KIAA1217: variants seen among roughly 807,000 people sequenced by gnomAD.
KIAA1217 encodes sickle tail protein homolog.
KIAA1217 carries 88 observed loss-of-function variants against 163.9 expected under a neutral mutation model. That is an observed-to-expected ratio of 0.54 (90% confidence interval 0.45 to 0.64). The LOEUF is 0.64. Ranked by LOEUF, KIAA1217 falls within the 30% of genes least tolerant of loss-of-function variation. The pLI is 0.00. For synonymous variants in KIAA1217, 903 were observed against 923.1 expected (o/e 0.98, Z 0.39); for missense variants, 2,372 against 2,475.0 (o/e 0.96, Z 0.88).
chr10:24,469,180 C>T (rs544629468), intron 5 of KIAA1217, among the ~76,000 whole-genome samples: 7 of 151,904 alleles, frequency 4.6e-5, no homozygotes, highest in Non-Finnish European at 1.0e-4. Flanking sequence ...GGTTGGAGTA[C>T]TGTGGTGTAT....
chr10:24,196,813 T>A (rs1308099374), intron 2 of KIAA1217, among the ~76,000 whole-genome samples: 2 of 152,192 alleles, frequency 1.3e-5, no homozygotes, highest in Non-Finnish European at 2.9e-5. Flanking sequence ...GAGGTGCAGA[T>A]GCTGCGCTGC....
intron 1 of KIAA1217, among the ~76,000 whole-genome samples, chr10:23,955,033 A>G (rs1360807103): frequency 6.6e-6 from 1 of 152,224 alleles, no homozygotes; most frequent in African/African-American, 2.4e-5. Context: ...ATGGGCAATA[A>G]TAACAAGTTA....
At chr10:24,220,656 G>A (rs1434269992) in intron 2 of KIAA1217, among the ~76,000 whole-genome samples, 5 of 149,934 alleles carry the variant, frequency 3.3e-5, no homozygotes, top group Non-Finnish European at 5.9e-5. Flanking sequence ...GTGTTTCATC[G>A]TGTTACCCAG....
chr10:23,840,582 T>C (rs893215687), intron 1 of KIAA1217, among the ~76,000 whole-genome samples: 7 of 152,220 alleles, frequency 4.6e-5, no homozygotes, highest in African/African-American at 1.7e-4. Context: ...TTATAGAATG[T>C]GGTTTAATGA....
At chr10:23,996,486 T>C (rs1846489679) in intron 1 of KIAA1217, among the ~76,000 whole-genome samples, 2 of 152,184 alleles carry the variant, frequency 1.3e-5, no homozygotes, top group Non-Finnish European at 2.9e-5. Flanking sequence ...TCTTTTTTAC[T>C]GTGTATCCAA....
At chr10:24,399,811 C>T (rs1412401681) in intron 3 of KIAA1217, among the ~76,000 whole-genome samples, 1 of 152,110 alleles carries the variant, frequency 6.6e-6, no homozygotes, top group African/African-American at 2.4e-5. Flanking sequence ...TAACTGTACC[C>T]CTTGTCACCA....
At chr10:23,821,470 G>T (rs1245042564) in intron 1 of KIAA1217, among the ~76,000 whole-genome samples, 1 of 152,108 alleles carries the variant, frequency 6.6e-6, no homozygotes, top group Non-Finnish European at 1.5e-5. Flanking sequence ...TCTAAGAGAG[G>T]CATGGAAGCA....
chr10:24,220,401 T>A (rs2069419904), intron 2 of KIAA1217, among the ~76,000 whole-genome samples: 1 of 151,696 alleles, frequency 6.6e-6, no homozygotes, highest in African/African-American at 2.4e-5. Context: ...TTGTGGTAAC[T>A]CCTTTTCCTT....
intron 6 of KIAA1217, among the ~76,000 whole-genome samples, chr10:24,476,538 T>A (rs1192554341): frequency 6.6e-6 from 1 of 152,098 alleles, no homozygotes; most frequent in Non-Finnish European, 1.5e-5. Context: ...ATTAACAATA[T>A]AAGAAAAACT....
intron 2 of KIAA1217, among the ~76,000 whole-genome samples, chr10:24,321,119 A>G (rs914259985): frequency 1.1e-4 from 17 of 152,112 alleles, no homozygotes; most frequent in African/African-American, 3.6e-4. Flanking sequence ...GGTTCCTCAG[A>G]AAAAAATAAA....
At chr10:23,941,458 G>A (rs1843763328) in intron 1 of KIAA1217, among the ~76,000 whole-genome samples, 1 of 152,148 alleles carries the variant, frequency 6.6e-6, no homozygotes, top group Non-Finnish European at 1.5e-5. Flanking sequence ...GGACCACATT[G>A]AATCGGACTA....
chr10:24,111,266 G>T (rs550255692), intron 2 of KIAA1217, among the ~76,000 whole-genome samples: 134 of 152,276 alleles, frequency 8.8e-4, no homozygotes, highest in Admixed American at 3.6e-3. Context: ...GGAATAAAAA[G>T]GGAATAAATA....
At chr10:23,696,880 A>G (rs1409413846) in intron 1 of KIAA1217, among the ~76,000 whole-genome samples, 1 of 152,240 alleles carries the variant, frequency 6.6e-6, no homozygotes, top group Non-Finnish European at 1.5e-5. Context: ...TAAATGAATA[A>G]ATGAATGCAT....
At chr10:24,447,506 G>T (rs932798841) in intron 5 of KIAA1217, among the ~76,000 whole-genome samples, 1 of 152,062 alleles carries the variant, frequency 6.6e-6, no homozygotes, top group Non-Finnish European at 1.5e-5. Flanking sequence ...CTGTCCACAC[G>T]TCTTAAGTGT....
chr10:23,957,346 G>A (rs561752178), intron 1 of KIAA1217, among the ~76,000 whole-genome samples: 1 of 152,236 alleles, frequency 6.6e-6, no homozygotes, highest in Non-Finnish European at 1.5e-5. Context: ...ACTTCTGCCT[G>A]CACAACTTTT....
intron 1 of KIAA1217, among the ~76,000 whole-genome samples, chr10:23,830,928 A>G (rs1035264130): frequency 2.0e-5 from 3 of 152,008 alleles, no homozygotes; most frequent in Admixed American, 1.3e-4. Context: ...TAAAGCTAGA[A>G]GTCTCTCCAA....
At chr10:24,028,668 C>T (rs1848065882) in intron 2 of KIAA1217, among the ~76,000 whole-genome samples, 1 of 152,094 alleles carries the variant, frequency 6.6e-6, no homozygotes, top group Non-Finnish European at 1.5e-5. Context: ...ATTGCTTAAG[C>T]TTGGCAATGG....
At chr10:24,328,975 TG>T (rs1237984290) in intron 2 of KIAA1217, among the ~76,000 whole-genome samples, 1 of 151,248 alleles carries the variant, frequency 6.6e-6, no homozygotes, top group Non-Finnish European at 1.5e-5. Context: ...TGTAGTATAT[TG>T]CATAGTATAA....
At chr10:23,819,841 C>T (rs1837536608) in intron 1 of KIAA1217, among the ~76,000 whole-genome samples, 1 of 152,130 alleles carries the variant, frequency 6.6e-6, no homozygotes, top group Non-Finnish European at 1.5e-5. Context: ...GAATTCAGTG[C>T]CACCTGAGTC....
Sources: gnomAD v4.1 joint callset for allele counts (sites outside exome capture counted in the v4.1 genomes callset) on GRCh38, gnomAD v4.1.1 for gene constraint, MANE v1.5 for transcripts, NCBI Gene and HGNC (gene_info 2026-07-23, HGNC 2026-07-21) for gene names.